TMEM63A: variants seen among roughly 807,000 people sequenced by gnomAD.
The protein encoded by TMEM63A is transmembrane protein 63A.
Under a neutral mutation model 100.6 loss-of-function variants are expected in TMEM63A, and 76 were observed. The observed-to-expected ratio is 0.76, with a 90% confidence interval of 0.63 to 0.91. TMEM63A has a LOEUF of 0.91. Ranked by LOEUF, TMEM63A falls within the 40% of genes least tolerant of loss-of-function variation. The pLI is 0.00. For missense variants in TMEM63A, 876 were observed against 1,008.8 expected (o/e 0.87, Z 1.78); for synonymous variants, 401 against 401.1 (o/e 1.00, Z 0.00).
chr1:225,867,169 G>A lies in TMEM63A; in HGVS notation c.515-6C>T, dbSNP rs371695746. On this transcript the variant is annotated splice_region_variant and splice_polypyrimidine_tract_variant and intron_variant, in intron 7 of 24. Transcript: ENST00000366835. This position sits in a 1 kb window ranked among gnomAD's most constrained non-coding sequence, Gnocchi z 4.6. ...AAAACTATACGGGTCTTTGTCTGCA[G>A]AGAAGCACAGATACTTAGTTCCAGG... is the stretch of plus-strand genomic sequence containing the variant. 5.0e-6 allele frequency: 8 copies of A among 1,614,040 alleles called. No individual in the cohort carries two copies. The highest frequency in any genetic ancestry group is 1.3e-5 in the African/African-American group (1 of 74,906).
chr1:225,874,470 C>T, intron 3 of TMEM63A, 103 bp from the exon 4 acceptor site: 1 of 987,408 alleles, frequency 1.0e-6, no homozygotes, highest in Non-Finnish European at 1.5e-6. Flanking sequence ...CTCAGCAGGG[C>T]TAGAAGGAAA....
At position 225,859,299 on chromosome 1, in the gene TMEM63A, A is replaced by G. The variant is rs752358693; in HGVS notation, c.1274T>C (p.Ile425Thr). 6 of 1,614,144 alleles carry G rather than the reference A, an allele frequency of 3.7e-6. No individual in the cohort carries two copies. The highest frequency in any genetic ancestry group is 1.1e-5 in the South Asian group (1 of 91,078). The stretch of plus-strand genomic sequence containing the variant: ...TAGCCCCAGGAAGAGGGTGAAGTTG[A>G]TGCCCAGCCACTGTAGCCACCAGCG... ...GLRWWLQWLG[I>T]NFTLFLGLFF... Residue 425 changes from isoleucine to threonine, a missense_variant, in exon 15 of 25, where the codon ATC becomes ACC. Ile to Thr is a moderately conservative substitution (Grantham distance 89). Coordinates refer to ENST00000366835, the MANE Select transcript of TMEM63A (RefSeq NM_014698.3).
intron 10 of TMEM63A, among the ~76,000 whole-genome samples, chr1:225,863,688 G>C (rs764400230): frequency 6.6e-6 from 1 of 151,982 alleles, no homozygotes; most frequent in African/African-American, 2.4e-5. Context: ...AGGCTGAGCC[G>C]GGTGGATCAC....
chr1:225,856,815 C>T (rs570212436), intron 16 of TMEM63A, 77 bp from the exon 17 acceptor site: 31 of 1,583,000 alleles, frequency 2.0e-5, no homozygotes, highest in Non-Finnish European at 2.4e-5. Context: ...TGCCATGTGC[C>T]CACTGCCTGA....
In TMEM63A at chr1:225,862,553, A is replaced by G; in HGVS notation, c.853T>C (p.Tyr285His). 1 of 1,613,936 alleles carries G rather than the reference A, an allele frequency of 6.2e-7. No homozygotes were observed. The highest frequency in any genetic ancestry group is 8.5e-7 in the Non-Finnish European group (1 of 1,179,980). Residue 285 changes from tyrosine (Y) to histidine (H), a missense_variant, in exon 12 of 25, where the codon TAT becomes CAT. Around this residue, in one of 5 missense-constraint regions of TMEM63A, gnomAD observed 487 missense variants for 581.9 expected, o/e 0.84. Transcript: ENST00000366835. The surrounding 1 kb of genome is among the most constrained non-coding windows in gnomAD (Gnocchi z 5.1). ...GTCTTCACCTGCAGGTTTGTGTAAT[A>G]GGTCAGGCTCTTCTCAGTCTTCTTT... ...EKKKTEKSLTYYTNLQVKTGQ... is the reference protein window; with the variant it reads ...EKKKTEKSLTHYTNLQVKTGQ...
At position 225,856,739 on chromosome 1, in the gene TMEM63A, C is replaced by G; in HGVS notation, c.1485-1G>C. ...CATCATGATCTGGTTTTCCCCCGAC[C>G]TGCAGGAAGTCAAAGGTGAGCACTC... is the stretch of plus-strand genomic sequence containing the variant. On this transcript the variant is annotated splice_acceptor_variant, in intron 16 of 24. Transcript: ENST00000366835. LOFTEE classifies it high-confidence loss of function. 6.2e-7 allele frequency: 1 copy of G among 1,613,382 alleles called. No individual in the cohort carries two copies.
chr1:225,881,395 TAGA>T (rs1241242154), intron 1 of TMEM63A, among the ~76,000 whole-genome samples: 1 of 152,206 alleles, frequency 6.6e-6, no homozygotes, highest in East Asian at 1.9e-4. Context: ...AGCAAGCAAT[TAGA>T]AGCTGTCTGC....
At position 225,848,909 on chromosome 1, in the gene TMEM63A, A is replaced by T. The variant is rs760134801; in HGVS notation, c.2175T>A (p.Pro725=). The T allele has an allele frequency of 1.9e-5, 30 of 1,590,940 alleles. No homozygotes were observed. Among genetic ancestry groups the T allele is most frequent in the Non-Finnish European group, 2.5e-5 (29 of 1,169,646 alleles). Residue 725 remains proline (P), a synonymous_variant, in exon 22 of 25, where the codon CCT becomes CCA. Transcript: ENST00000366835. ...TCFGCFKHLS[P]LNYKTEEPAS... Reference sequence around the variant, plus strand: ...CGGGGGCCTTTACTTTGTAGTTCAGAGGGCTGAGGTGCTTGAAGCATCCAA... The same window carrying T: ...CGGGGGCCTTTACTTTGTAGTTCAGTGGGCTGAGGTGCTTGAAGCATCCAA...
Position 225,866,554 on chromosome 1 carries a change from C to T in TMEM63A, c.675+20G>A, listed in dbSNP as rs769637116. 3.7e-6 allele frequency: 6 copies of T among 1,610,284 alleles called. No homozygotes were observed. The South Asian group carries it at 5.5e-5, about 15-fold the overall frequency. ...CCTGAGTCCCTCCCAGCACATGTCC[C>T]TAAGTCCCGCCTCACTCACCAGGTT... is the stretch of plus-strand genomic sequence containing the variant. On this transcript the variant is annotated intron_variant, in intron 9 of 24. Coordinates refer to ENST00000366835, the MANE Select transcript of TMEM63A (RefSeq NM_014698.3).
downstream of TMEM63A, chr1:225,842,214 T>C (rs1211711281): frequency 1.4e-6 from 1 of 700,444 alleles, no homozygotes; most frequent in African/African-American, 1.7e-5. Flanking sequence ...GCGAGGCATG[T>C]GAGCACCCAG....
chr1:225,877,347 T>C, intron 3 of TMEM63A, 48 bp downstream of exon 3: 2 of 1,565,076 alleles, frequency 1.3e-6, no homozygotes, highest in Non-Finnish European at 1.7e-6. Flanking sequence ...GGTGGGGCAT[T>C]TAAACAAATA....
chr1:225,876,063 C>CAAAAAAAAAAA, intron 3 of TMEM63A, among the ~76,000 whole-genome samples: 1 of 32,920 alleles, frequency 3.0e-5, no homozygotes, highest in East Asian at 1.3e-3. Context: ...GACCTTGTCT[C>CAAAAAAAAAAA]AAAAAAAAAA....
At position 225,846,649 on chromosome 1, in the gene TMEM63A, A is replaced by G. The variant is rs1669004189; in HGVS notation, c.*290T>C. On this transcript the variant is annotated 3_prime_UTR_variant, in exon 25 of 25. Transcript: ENST00000366835. ...CCCCTTGTTACATCTCTCTCTCCAT[A>G]TATTCTCCCGGACTCATCAGTTTGG... The G allele has an allele frequency of 6.0e-6, 1 of 167,934 alleles. No individual in the cohort carries two copies. The highest frequency in any genetic ancestry group is 1.3e-5 in the Non-Finnish European group (1 of 78,914). 10.4% of individuals were successfully genotyped at this position (167,934 alleles called of 1,614,324 possible). A position where few individuals can be genotyped will look rare whatever the true frequency, so the allele number is the denominator to read the frequency against.
chr1:225,845,101 C>T (rs200590894), downstream of TMEM63A: 1,888 of 1,597,100 alleles, frequency 1.2e-3, 20 homozygotes, highest in African/African-American at 0.021. Context: ...GACGGAGGGG[C>T]GCAGGGCCAC....
intron 4 of TMEM63A, among the ~76,000 whole-genome samples, chr1:225,873,049 C>T (rs1031912326): frequency 3.3e-5 from 5 of 152,198 alleles, no homozygotes; most frequent in Admixed American, 3.3e-4. Context: ...CTACTAAAGA[C>T]AAAACACATG....
intron 17 of TMEM63A, among the ~76,000 whole-genome samples, chr1:225,856,194 T>G (rs1000191841): frequency 6.6e-5 from 10 of 152,112 alleles, no homozygotes; most frequent in Non-Finnish European, 1.3e-4. Flanking sequence ...CTTTTCTCTT[T>G]TGTAGAGATG....
In TMEM63A at chr1:225,862,922, C is replaced by T. The variant is rs897970439; in HGVS notation, c.747-71G>A. ...AAACACCCCAAGCAGGAGACGTGCCCACGGATCCAAGGGAAAGGATGGCAG... is the reference window on the plus strand; with the variant it reads ...AAACACCCCAAGCAGGAGACGTGCCTACGGATCCAAGGGAAAGGATGGCAG... On this transcript the variant is annotated intron_variant, in intron 10 of 24. Coordinates refer to ENST00000366835, the MANE Select transcript of TMEM63A (RefSeq NM_014698.3). The surrounding 1 kb of genome is among the most constrained non-coding windows in gnomAD (Gnocchi z 5.1). 1.6e-5 allele frequency: 23 copies of T among 1,423,180 alleles called. No individual in the cohort carries two copies. Among genetic ancestry groups the T allele is most frequent in the Middle Eastern group, 3.5e-4 (2 of 5,768 alleles). 88.2% of individuals were successfully genotyped at this position (1,423,180 alleles called of 1,614,324 possible). A position where few individuals can be genotyped will look rare whatever the true frequency, so the allele number is the denominator to read the frequency against.
chr1:225,856,592 A>G, intron 17 of TMEM63A, 60 bp downstream of exon 17: 1 of 1,561,406 alleles, frequency 6.4e-7, no homozygotes, highest in Non-Finnish European at 8.8e-7. Flanking sequence ...TCTCCTGGGG[A>G]CAGTGCTCTC....
rs764855318 is a variant in TMEM63A, at chr1:225,877,453, TG to T, written c.127del (p.Gln43ArgfsTer14). 6.2e-7 allele frequency: 1 copy of T among 1,614,230 alleles called. No individual in the cohort carries two copies. Among genetic ancestry groups the T allele is most frequent in the East Asian group, 2.2e-5 (1 of 44,886 alleles). On this transcript the variant is annotated frameshift_variant, in exon 3 of 25. Transcript: ENST00000366835. LOFTEE classifies it high-confidence loss of function. ...YNSAKNSTVLQGVTFGGIPTV... is the reference protein window; with the variant it reads ...YNSAKNSTVLXGVTFGGIPTV... Reference sequence around the variant, plus strand: ...GGGGATGCCACCAAAGGTGACCCCCTGGAGCACGGTGCTGTTTTTGGCCGAG... The same window carrying T: ...GGGGATGCCACCAAAGGTGACCCCCTGAGCACGGTGCTGTTTTTGGCCGAG...
Sources: allele counts gnomAD v4.1 joint callset (sites outside exome capture counted in the v4.1 genomes callset), GRCh38; gene constraint gnomAD v4.1.1; regional missense constraint gnomAD v4.1.1; non-coding constraint Gnocchi (gnomAD v3.1); transcripts MANE v1.5; gene names NCBI Gene and HGNC (gene_info 2026-07-23, HGNC 2026-07-21).